The following EFCAB13 variants were observed in gnomAD, a reference collection of about 807,000 sequenced individuals.
EFCAB13 encodes the protein EF-hand calcium binding domain 13.
A neutral mutation model predicts 110.2 loss-of-function variants in EFCAB13; 91 were observed. The observed-to-expected ratio is 0.83, with a 90% CI of 0.70 to 0.98. The LOEUF is 0.98. EFCAB13 is among the 50% of genes least tolerant of loss of function. EFCAB13 has a pLI of 0.00. For synonymous variants in EFCAB13, 323 were observed against 369.9 expected (o/e 0.87, Z 1.45); for missense variants, 968 against 1,119.4 (o/e 0.86, Z 1.93).
At chr17:47,342,057 C>A (rs2065388460) in intron 6 of EFCAB13, 25 bp downstream of exon 6, 4 of 1,347,782 alleles carry the variant, frequency 3.0e-6, no homozygotes, top group Non-Finnish European at 2.1e-6. Context: ...GGAAATTTTT[C>A]TTTTACCTTC....
chr17:47,377,993 A>G lies in EFCAB13; in HGVS notation c.1510+90A>G, dbSNP rs1291665580. Reference sequence around the variant, plus strand: ...ATTGGAGGAATTCCTCTCAATTAGAAATTAGGAATGGGACAGAATGGGTCA... The same window carrying G: ...ATTGGAGGAATTCCTCTCAATTAGAGATTAGGAATGGGACAGAATGGGTCA... On this transcript the variant is annotated intron_variant, in intron 13 of 24. Transcript: ENST00000331493. 4 of 1,245,238 alleles carry G rather than the reference A, an allele frequency of 3.2e-6. No homozygotes were observed. The Admixed American group carries it at 1.1e-4, about 35-fold the overall frequency. 77.1% of individuals were successfully genotyped at this position (1,245,238 alleles called of 1,614,324 possible). A position where few individuals can be genotyped will look rare whatever the true frequency, so the allele number is the denominator to read the frequency against.
At chr17:47,371,249 G>T (rs9915222) in intron 11 of EFCAB13, among the ~76,000 whole-genome samples, 96,934 of 151,732 alleles carry the variant, frequency 0.64, 31,418 homozygotes, top group African/African-American at 0.73. Flanking sequence ...ATTTGTCTAT[G>T]TTTGTTTTTG....
At chr17:47,335,080 C>A in intron 4 of EFCAB13, 116 bp from the exon 5 acceptor site, 1 of 1,171,818 alleles carries the variant, frequency 8.5e-7, no homozygotes, top group African/African-American at 1.6e-5. Flanking sequence ...AAATTCTCTT[C>A]GGTAGCACTA....
Position 47,374,541 on chromosome 17 carries a change from A to C in EFCAB13, c.947A>C (p.Tyr316Ser). 1 of 1,584,664 alleles carries C rather than the reference A, an allele frequency of 6.3e-7. No homozygotes were observed. The highest frequency in any genetic ancestry group is 2.2e-5 in the East Asian group (1 of 44,700). Residue 316 changes from tyrosine (Y) to serine (S), a missense_variant, in exon 12 of 25, where the codon TAT (tyrosine) becomes TCT (serine). Tyr to Ser is a moderately radical substitution (Grantham distance 144, BLOSUM62 -2). Coordinates refer to ENST00000331493, the MANE Select transcript of EFCAB13 (RefSeq NM_152347.5). The part of the protein sequence containing the change: ...DRKLSSVAGC[Y>S]LKYKKKNSLS... ...AAGTTATCAAGTGTAGCAGGATGCT[A>C]TCTAAAATATAAGAAGAAAAATAGT... is the stretch of plus-strand genomic sequence containing the variant.
chr17:47,434,834 C>T (rs1357334538), intron 24 of EFCAB13, among the ~76,000 whole-genome samples: 1 of 152,088 alleles, frequency 6.6e-6, no homozygotes, highest in Non-Finnish European at 1.5e-5. Context: ...ATTGGCAAAT[C>T]ACATGTAGAA....
chr17:47,419,982 C>T (rs1462545811), intron 23 of EFCAB13, among the ~76,000 whole-genome samples: 9 of 152,250 alleles, frequency 5.9e-5, no homozygotes, highest in East Asian at 1.9e-4. Flanking sequence ...TTTCCACGGT[C>T]TCCCTCTGAT....
chr17:47,347,837 A>G lies in EFCAB13; in HGVS notation c.547A>G (p.Lys183Glu), dbSNP rs1415674575. 1 of 1,523,360 alleles carries G rather than the reference A, an allele frequency of 6.6e-7. No homozygotes were observed. Among genetic ancestry groups the G allele is most frequent in the Admixed American group, 1.8e-5 (1 of 56,172 alleles). The allele number at this position is 1,523,360 out of a possible 1,614,324, so 94.4% of individuals were successfully genotyped here. A position where few individuals can be genotyped will look rare whatever the true frequency, so the allele number is the denominator to read the frequency against. The change falls in exon 9 of 25, where the codon AAA (lysine) becomes GAA (glutamate). Residue 183 changes from lysine to glutamate, a missense_variant. Physicochemically the swap from Lys to Glu is moderately conservative, Grantham distance 56. Transcript: ENST00000331493. ...TCATAAAGCCTGTAAAATTTTTAGT[A>G]AAATTCGAAGTGGTAAGATTTATGT... is the stretch of plus-strand genomic sequence containing the variant. Reference protein sequence around the residue: ...ALHKACKIFSKIRSGKIYVND... With the variant: ...ALHKACKIFSEIRSGKIYVND...
At chr17:47,334,673 TG>T (rs1189225254) in intron 4 of EFCAB13, among the ~76,000 whole-genome samples, 3 of 152,178 alleles carry the variant, frequency 2.0e-5, no homozygotes, top group Admixed American at 1.3e-4. Flanking sequence ...TCTAGCACTT[TG>T]GGAGGCTGAG....
chr17:47,387,255 G>A (rs958672753), intron 14 of EFCAB13, among the ~76,000 whole-genome samples: 3 of 152,108 alleles, frequency 2.0e-5, no homozygotes, highest in Admixed American at 1.3e-4. Context: ...GAGAATGTTC[G>A]ATGTGCTGAT....
At chr17:47,335,491 C>A in intron 5 of EFCAB13, 135 bp downstream of exon 5, 2 of 659,814 alleles carry the variant, frequency 3.0e-6, no homozygotes, top group Non-Finnish European at 4.5e-6. Context: ...GTCATTCTTT[C>A]AGTAGCATAA....
Position 47,391,512 on chromosome 17 carries a change from T to C in EFCAB13, c.1658T>C (p.Leu553Pro), listed in dbSNP as rs746622918. The C allele has an allele frequency of 3.8e-6, 6 of 1,595,602 alleles. No individual in the cohort carries two copies. Among genetic ancestry groups the C allele is most frequent in the Admixed American group, 1.8e-5 (1 of 56,660 alleles). ...NVDYEDLNTC[L>P]QNFGIYLSKP... is the part of the protein sequence containing the mutation. ...GATTATGAGGATCTAAATACTTGTC[T>C]TCAAAATTTTGGTATTTACCTTTCT... is the stretch of plus-strand genomic sequence containing the variant. Residue 553 changes from leucine (L) to proline (P), a missense_variant, in exon 15 of 25, where the codon CTT becomes CCT. Coordinates refer to ENST00000331493, the MANE Select transcript of EFCAB13 (RefSeq NM_152347.5).
intron 11 of EFCAB13, among the ~76,000 whole-genome samples, chr17:47,373,648 C>T (rs2065597851): frequency 1.3e-5 from 2 of 152,256 alleles, no homozygotes; most frequent in Admixed American, 1.3e-4. Context: ...TTTACCTGCT[C>T]ACTAACCTAT....
At chr17:47,420,649 G>T (rs1471991427) in intron 23 of EFCAB13, among the ~76,000 whole-genome samples, 1 of 152,018 alleles carries the variant, frequency 6.6e-6, no homozygotes, top group Non-Finnish European at 1.5e-5. Flanking sequence ...ACCCCGTGTG[G>T]GAGGTGAGGA....
intron 4 of EFCAB13, among the ~76,000 whole-genome samples, chr17:47,331,307 T>TAAC (rs914111562): frequency 3.3e-5 from 5 of 152,158 alleles, no homozygotes; most frequent in African/African-American, 1.2e-4. Flanking sequence ...TTGTTTTTGT[T>TAAC]ACATTTGCTC....
intron 23 of EFCAB13, among the ~76,000 whole-genome samples, chr17:47,422,914 T>G (rs1391681323): frequency 6.6e-6 from 1 of 152,130 alleles, no homozygotes; most frequent in African/African-American, 2.4e-5. Context: ...AGGGCCAAAA[T>G]AGCCAGGGCA....
intron 3 of EFCAB13, among the ~76,000 whole-genome samples, chr17:47,327,319 C>G (rs547519308): frequency 5.3e-5 from 8 of 152,060 alleles, no homozygotes; most frequent in Non-Finnish European, 1.0e-4. Context: ...TGCGTGCCAC[C>G]ACACTCGGCT....
chr17:47,347,202 G>A (rs924361055), intron 8 of EFCAB13, among the ~76,000 whole-genome samples: 3 of 152,146 alleles, frequency 2.0e-5, no homozygotes, highest in African/African-American at 4.8e-5. Flanking sequence ...AGGATTTCGC[G>A]ACAGGAGTTT....
intron 9 of EFCAB13, among the ~76,000 whole-genome samples, chr17:47,354,014 A>G (rs1434509706): frequency 6.6e-6 from 1 of 152,084 alleles, no homozygotes; most frequent in African/African-American, 2.4e-5. Context: ...TAGTCATTTT[A>G]TGCTATTAAC....
At chr17:47,328,541 C>T (rs1031143931) in intron 4 of EFCAB13, among the ~76,000 whole-genome samples, 158 bp downstream of exon 4, 3 of 152,090 alleles carry the variant, frequency 2.0e-5, no homozygotes, top group Non-Finnish European at 4.4e-5. Context: ...TTTTAGTGAA[C>T]ATGTATTGAA....
Sources: gnomAD v4.1 joint callset for allele counts (sites outside exome capture counted in the v4.1 genomes callset) on GRCh38, gnomAD v4.1.1 for gene constraint, MANE v1.5 for transcripts, NCBI Gene and HGNC (gene_info 2026-07-23, HGNC 2026-07-21) for gene names.